Variants in ULK1 observed in about 807,000 individuals in gnomAD.
ULK1 encodes the protein serine/threonine-protein kinase ULK1.
In ULK1, 48 loss-of-function variants were observed where a neutral mutation model predicts 117.5. The observed-to-expected ratio is 0.41, with a 90% CI of 0.32 to 0.52. The LOEUF (loss-of-function observed/expected upper bound fraction) is 0.52. ULK1 is among the 20% of genes least tolerant of loss of function. The pLI, the probability that ULK1 is intolerant of heterozygous loss-of-function variation, is 0.29. For synonymous variants in ULK1, 790 were observed against 637.8 expected, an observed-to-expected ratio of 1.24 and a Z score of -3.60; for missense variants, 1,387 against 1,473.4, an observed-to-expected ratio of 0.94 and a Z score of 0.96.
In ULK1 at chr12:131,913,767, C is replaced by G. The variant is rs139180744; in HGVS notation, c.1178C>G (p.Ala393Gly). The change falls in exon 15 of 28, where the codon GCG becomes GGG. Residue 393 changes from alanine (A) to glycine (G), a missense_variant. Ala to Gly is a moderately conservative substitution (Grantham distance 60). Coordinates refer to ENST00000321867, the MANE Select transcript of ULK1 (RefSeq NM_003565.4). Reference sequence around the variant, plus strand: ...CACAGGAGCTCACTGGTGGCCTCTGCGGGCTTGGAGAGCCACGGCCGGACC... The same window carrying G: ...CACAGGAGCTCACTGGTGGCCTCTGGGGGCTTGGAGAGCCACGGCCGGACC... ...MCSGSSLVAS[A>G]GLESHGRTPS... is the part of the protein sequence containing the mutation. 6.4e-7 allele frequency: 1 copy of G among 1,567,158 alleles called. No individual in the cohort carries two copies. The highest frequency in any genetic ancestry group is 1.4e-5 in the African/African-American group (1 of 72,012).
chr12:131,917,367 C>CG (rs1432363179), intron 21 of ULK1, 44 bp from the exon 22 acceptor site: 1 of 1,389,706 alleles, frequency 7.2e-7, no homozygotes. Flanking sequence ...GGATGGGGGT[C>CG]GGCGGGAGTC....
rs1268155146 is a variant in ULK1, at chr12:131,915,242, A to G, written c.1522+11A>G. Reference sequence around the variant, plus strand: ...CGCCATCTCCTCAAGGTGCGCCTGCAGGCTGGGGCCTGGGAAGGGGCGTCT... The same window carrying G: ...CGCCATCTCCTCAAGGTGCGCCTGCGGGCTGGGGCCTGGGAAGGGGCGTCT... On this transcript the variant is annotated intron_variant, in intron 17 of 27. Transcript: ENST00000321867. 1.2e-6 allele frequency: 2 copies of G among 1,604,148 alleles called. No homozygotes were observed. Among genetic ancestry groups the G allele is most frequent in the African/African-American group, 2.7e-5 (2 of 74,804 alleles).
Position 131,909,227 on chromosome 12 carries a change from C to T in ULK1, c.656C>T (p.Ala219Val). ...GTCTACCAGTGCCTGACGGGGAAGG[C>T]GCCCTTCCAGGTAACTGGGCTTGGC... Reference protein sequence around the residue: ...TIVYQCLTGKAPFQASSPQDL... With the variant: ...TIVYQCLTGKVPFQASSPQDL... The change falls in exon 8 of 28, where the codon GCG (alanine) becomes GTG (valine). Residue 219 changes from alanine to valine, a missense_variant. Ala to Val is a moderately conservative substitution (Grantham distance 64). Transcript: ENST00000321867. 4 of 1,599,740 alleles carry T rather than the reference C, an allele frequency of 2.5e-6. No individual in the cohort carries two copies. Among genetic ancestry groups the T allele is most frequent in the South Asian group, 1.1e-5 (1 of 88,806 alleles).
At chr12:131,916,920 G>C (rs532233043) in intron 20 of ULK1, 33 bp from the exon 21 acceptor site, 5 of 1,572,258 alleles carry the variant, frequency 3.2e-6, no homozygotes, top group Non-Finnish European at 1.7e-6. Flanking sequence ...GGGGTGGGCC[G>C]GGCACCCAGC....
chr12:131,914,962 T>C, intron 16 of ULK1, 121 bp from the exon 17 acceptor site: 1 of 1,411,700 alleles, frequency 7.1e-7, no homozygotes, highest in Non-Finnish European at 9.4e-7. Context: ...TGGCGTGGCA[T>C]GGGGTCCTGG....
At chr12:131,915,792 T>C in intron 18 of ULK1, 99 bp from the exon 19 acceptor site, 1 of 1,509,646 alleles carries the variant, frequency 6.6e-7, no homozygotes, top group Non-Finnish European at 8.9e-7. Flanking sequence ...GAGTGGGGCC[T>C]TGGAGTGCGT....
rs1270242501 is a variant in ULK1, at chr12:131,895,748, C to G, written c.205-35C>G. 1.9e-6 allele frequency: 3 copies of G among 1,613,880 alleles called. No homozygotes were observed. The African/African-American group carries it at 4.0e-5, about 22-fold the overall frequency. On this transcript the variant is annotated intron_variant, in intron 2 of 27. Transcript: ENST00000321867. ...GCGTGGGCGTGGGCAAGCCCCCCTC[C>G]CCACACTGATAACAAACTTGGGTTT...
At chr12:131,911,505 T>C (rs1410231354) in intron 12 of ULK1, among the ~76,000 whole-genome samples, 1 of 152,236 alleles carries the variant, frequency 6.6e-6, no homozygotes, top group Non-Finnish European at 1.5e-5. Context: ...TGGTGTGCCC[T>C]GGGCCTTAGC....
chr12:131,899,857 C>A (rs1177693479), intron 3 of ULK1, among the ~76,000 whole-genome samples: 1 of 152,280 alleles, frequency 6.6e-6, no homozygotes, highest in East Asian at 1.9e-4. Context: ...CAGTGGCTCA[C>A]GCCTGTAATC....
At chr12:131,919,947 C>G in intron 25 of ULK1, 32 bp from the exon 26 acceptor site, 2 of 1,602,272 alleles carry the variant, frequency 1.2e-6, no homozygotes, top group Non-Finnish European at 1.7e-6. Context: ...GTGTCTGCTG[C>G]ACCCTGAGCT....
At chr12:131,917,231 ACGGGG>A (rs1889869396) in intron 21 of ULK1, among the ~76,000 whole-genome samples, 169 bp downstream of exon 21, 1 of 47,172 alleles carries the variant, frequency 2.1e-5, no homozygotes, top group Non-Finnish European at 4.1e-5. Context: ...AGGCTGTGGG[ACGGGG>A]GTCGGGTTCG....
In ULK1 at chr12:131,903,189, G is replaced by T. The variant is rs943530011; in HGVS notation, c.247-3703G>T. Among the ~76,000 whole-genome samples the T allele has an allele frequency of 9.9e-5, 15 of 152,280 alleles. No individual in the cohort carries two copies. In the East Asian group the frequency reaches 2.9e-3, roughly 29 times the overall value. On this transcript the variant is annotated intron_variant, in intron 3 of 27. Coordinates refer to ENST00000321867, the MANE Select transcript of ULK1 (RefSeq NM_003565.4). This position sits in a 1 kb window ranked among gnomAD's most constrained non-coding sequence, Gnocchi z 6.0. ...TGGCGCAGGGCCTGGGCCTGCAGCTGCCCTGGAGGAGCTCCCCCAGCCCTG... is the reference window on the plus strand; with the variant it reads ...TGGCGCAGGGCCTGGGCCTGCAGCTTCCCTGGAGGAGCTCCCCCAGCCCTG...
rs766990246 is a variant in ULK1 at position 131,922,079 on chromosome 12, G to A, written c.*718G>A. 49 of 451,442 alleles carry A rather than the reference G, an allele frequency of 1.1e-4. No homozygotes were observed. Among genetic ancestry groups the A allele is most frequent in the South Asian group, 2.6e-4 (17 of 64,340 alleles). 28.0% of individuals were successfully genotyped at this position (451,442 alleles called of 1,614,324 possible). ...TTGTTCAAGCGTTCCTCTGGGGACC[G>A]GCAGCAGAGGCACCGTGTTCTCTCA... is the stretch of plus-strand genomic sequence containing the variant. On this transcript the variant is annotated 3_prime_UTR_variant, in exon 28 of 28. Coordinates refer to ENST00000321867, the MANE Select transcript of ULK1 (RefSeq NM_003565.4).
At chr12:131,904,628 C>G (rs1889202574) in intron 3 of ULK1, among the ~76,000 whole-genome samples, 2 of 152,142 alleles carry the variant, frequency 1.3e-5, no homozygotes, top group South Asian at 4.1e-4. Context: ...TGGGTGTTCC[C>G]CCAGGATACC....
intron 11 of ULK1, 138 bp downstream of exon 11, chr12:131,910,442 C>A: frequency 7.2e-7 from 1 of 1,393,282 alleles, no homozygotes; most frequent in Non-Finnish European, 1.0e-6. Flanking sequence ...GGCAGGACAC[C>A]CGGCTCCTTG....
intron 13 of ULK1, among the ~76,000 whole-genome samples, chr12:131,912,729 A>G (rs1162223166): frequency 2.6e-5 from 4 of 152,148 alleles, no homozygotes. Flanking sequence ...CCCCAGACAG[A>G]CCCGGGGAGG....
rs543408387 is a variant in ULK1, at chr12:131,910,606, C to T, written c.860-106C>T. ...TCCTTCCTGCTGGTCGGGGTGTAGC[C>T]GGAAGTGGAGGGGATATGGTTGAGC... On this transcript the variant is annotated intron_variant, in intron 11 of 27. Coordinates refer to ENST00000321867, the MANE Select transcript of ULK1 (RefSeq NM_003565.4). 1.3e-4 allele frequency: 202 copies of T among 1,606,558 alleles called. 1 individual carries two copies. Among genetic ancestry groups the T allele is most frequent in the Non-Finnish European group, 1.6e-4 (186 of 1,177,390 alleles).
chr12:131,910,216 G>A (rs1490298027), intron 10 of ULK1, 38 bp from the exon 11 acceptor site: 3 of 1,612,380 alleles, frequency 1.9e-6, no homozygotes, highest in Non-Finnish European at 2.5e-6. Context: ...GTCAGAGCTG[G>A]GGTCCTCCTG....
Position 131,915,142 on chromosome 12 carries a change from C to T in ULK1, c.1433C>T (p.Pro478Leu), listed in dbSNP as rs12827141. ...TSPLGFARAS[P>L]SPPAHAEHGG... Reference sequence around the variant, plus strand: ...CCCCTGGGCTTTGCAAGGGCCAGCCCCTCGCCCCCTGCCCACGCTGAGCAT... The same window carrying T: ...CCCCTGGGCTTTGCAAGGGCCAGCCTCTCGCCCCCTGCCCACGCTGAGCAT... Residue 478 changes from proline (P) to leucine (L), a missense_variant, in exon 17 of 28, where the codon CCC becomes CTC. Coordinates refer to ENST00000321867, the MANE Select transcript of ULK1 (RefSeq NM_003565.4). The T allele has an allele frequency of 8.4e-3, 13,445 of 1,606,160 alleles. 75 individuals carry two copies. The highest frequency in any genetic ancestry group is 9.9e-3 in the Non-Finnish European group (11,643 of 1,176,542).
Sources: gnomAD v4.1 joint callset for allele counts (sites outside exome capture counted in the v4.1 genomes callset) on GRCh38, gnomAD v4.1.1 for gene constraint, Gnocchi (gnomAD v3.1) non-coding constraint, MANE v1.5 for transcripts, NCBI Gene and HGNC (gene_info 2026-07-23, HGNC 2026-07-21) for gene names.